Variants in PAM observed in about 807,000 individuals in gnomAD.
PAM encodes the protein peptidyl-glycine alpha-amidating monooxygenase.
PAM carries 72 observed loss-of-function variants against 122.1 expected under a neutral mutation model. The observed-to-expected ratio is 0.59, with a 90% CI of 0.49 to 0.72. PAM has a LOEUF of 0.72. PAM is among the 30% of genes least tolerant of loss of function. The pLI is 0.00. For synonymous variants in PAM, 389 were observed against 404.4 expected (o/e 0.96, Z 0.46); for missense variants, 1,106 against 1,183.7 (o/e 0.93, Z 0.96).
chr5:102,922,801 T>G (rs2151688096), intron 5 of PAM, among the ~76,000 whole-genome samples: 1 of 152,326 alleles, frequency 6.6e-6, no homozygotes, highest in South Asian at 2.1e-4. Flanking sequence ...ATCTTTAAAT[T>G]TTAGTAGCTA....
chr5:102,860,421 A>G (rs1296593892), intron 1 of PAM, among the ~76,000 whole-genome samples: 1 of 152,162 alleles, frequency 6.6e-6, no homozygotes, highest in Non-Finnish European at 1.5e-5. Flanking sequence ...TGATAGGAAT[A>G]TGTCAAAGGC....
At chr5:103,008,568 A>C (rs554706474) in intron 20 of PAM, among the ~76,000 whole-genome samples, 2 of 152,256 alleles carry the variant, frequency 1.3e-5, no homozygotes, top group African/African-American at 4.8e-5. Context: ...AGCATTGACT[A>C]TTTATAGGTA....
At chr5:102,927,645 G>A (rs11952219) in intron 7 of PAM, among the ~76,000 whole-genome samples, 4,566 of 152,074 alleles carry the variant, frequency 0.03, 221 homozygotes, top group African/African-American at 0.1. Context: ...CCAGCATTCA[G>A]AACGAGGACA....
intron 7 of PAM, among the ~76,000 whole-genome samples, chr5:102,929,734 A>G (rs764172534): frequency 3.8e-4 from 58 of 152,180 alleles, no homozygotes; most frequent in Non-Finnish European, 7.8e-4. Flanking sequence ...TATCTGAGAG[A>G]GTATAACCTG....
At chr5:102,967,595 C>T (rs1461839310) in intron 14 of PAM, among the ~76,000 whole-genome samples, 1 of 151,952 alleles carries the variant, frequency 6.6e-6, no homozygotes, top group Non-Finnish European at 1.5e-5. Context: ...AACTATAGTT[C>T]TATCTTGTAA....
chr5:103,006,760 A>G (rs547294092), intron 18 of PAM, 41 bp from the exon 19 acceptor site: 7 of 1,431,740 alleles, frequency 4.9e-6, no homozygotes, highest in Non-Finnish European at 5.9e-6. Context: ...GTCACTAATA[A>G]CCATGAAAAG....
At chr5:102,928,314 C>G (rs909131821) in intron 7 of PAM, among the ~76,000 whole-genome samples, 6 of 152,054 alleles carry the variant, frequency 3.9e-5, no homozygotes, top group African/African-American at 1.4e-4. Context: ...GTAATAATTT[C>G]TTATAAGGAG....
intron 3 of PAM, among the ~76,000 whole-genome samples, chr5:102,883,217 A>G (rs1791874257): frequency 6.6e-6 from 1 of 151,912 alleles, no homozygotes; most frequent in African/African-American, 2.4e-5. Flanking sequence ...TTTTGGTTCC[A>G]TATGAGTTTT....
In PAM at chr5:102,801,886, C is replaced by T. The variant is rs559772455; in HGVS notation, c.-374+46538C>T. On this transcript the variant is annotated intron_variant, in intron 1 of 25. Transcript: ENST00000438793. ...CTCCGCCTCCTGGGTTCACGCCATT[C>T]TCCTGCCTCAGCCTCCCGAGTAGCT... 2.7e-5 allele frequency among the ~76,000 whole-genome samples: 4 copies of T among 145,500 alleles called. No homozygotes were observed. The South Asian group carries it at 6.5e-4, about 24-fold the overall frequency.
rs1780114261 is a variant in PAM, at chr5:103,009,876, C to T, written c.2331+10C>T. ...CAAGCCAGTGCGCAAGGTATTTACA[C>T]ACATTGTCTAGGTTTCAATTTTCAT... On this transcript the variant is annotated intron_variant, in intron 21 of 25. Transcript: ENST00000438793. 2 of 1,400,096 alleles carry T rather than the reference C, an allele frequency of 1.4e-6. No individual in the cohort carries two copies. Among genetic ancestry groups the T allele is most frequent in the East Asian group, 4.7e-5 (2 of 42,490 alleles). 86.7% of individuals were successfully genotyped at this position (1,400,096 alleles called of 1,614,324 possible).
At chr5:102,925,440 C>T (rs1490225869) in intron 6 of PAM, among the ~76,000 whole-genome samples, 1 of 152,162 alleles carries the variant, frequency 6.6e-6, no homozygotes, top group Non-Finnish European at 1.5e-5. Context: ...ATGCCAAGAC[C>T]TCAGCTGGCT....
intron 15 of PAM, among the ~76,000 whole-genome samples, chr5:102,983,432 A>G (rs1770587667): frequency 7.3e-6 from 1 of 137,840 alleles, no homozygotes; most frequent in Non-Finnish European, 1.5e-5. Context: ...CCTGGATGAC[A>G]GAGTGAGACT....
At position 102,954,496 on chromosome 5, in the gene PAM, TACTTAATGGTAA is replaced by T. The variant is rs150741972; in HGVS notation, c.905+3678_905+3689del. ...TTAATATGAGATATATTAATAAATA[TACTTAATGGTAA>T]AATGTTTTACCCATATATTATATTT... On this transcript the variant is annotated intron_variant, in intron 12 of 25. Coordinates refer to ENST00000438793, the MANE Select transcript of PAM (RefSeq NM_001177306.2). Among the ~76,000 whole-genome samples the T allele has an allele frequency of 1.9e-3, 287 of 151,714 alleles. 6 individuals are homozygous for T. Among genetic ancestry groups the T allele is most frequent in the East Asian group, 6.6e-3 (34 of 5,168 alleles).
At chr5:102,912,288 T>C (rs1801631413) in intron 4 of PAM, among the ~76,000 whole-genome samples, 1 of 151,924 alleles carries the variant, frequency 6.6e-6, no homozygotes, top group South Asian at 2.1e-4. Context: ...AGAGGGAATA[T>C]TTTTTTAAAA....
chr5:102,951,866 A>G (rs1253938125), intron 12 of PAM, among the ~76,000 whole-genome samples: 1 of 152,134 alleles, frequency 6.6e-6, no homozygotes, highest in Non-Finnish European at 1.5e-5. Flanking sequence ...TTTGGCAAAG[A>G]GACTTCAGGA....
intron 8 of PAM, 47 bp from the exon 9 acceptor site, chr5:102,948,331 T>G: frequency 1.9e-6 from 2 of 1,051,906 alleles, no homozygotes; most frequent in Non-Finnish European, 3.0e-6. Context: ...AAAACAGTCA[T>G]TTTGACTTTT....
chr5:102,845,062 C>T (rs144184236), intron 1 of PAM, among the ~76,000 whole-genome samples: 78 of 152,360 alleles, frequency 5.1e-4, no homozygotes, highest in African/African-American at 1.8e-3. Flanking sequence ...TACAGTTCCT[C>T]GTTCAGTCTT....
chr5:102,872,486 A>C (rs182520276), intron 3 of PAM, among the ~76,000 whole-genome samples: 3 of 152,336 alleles, frequency 2.0e-5, no homozygotes. Context: ...AACGTTAAGT[A>C]ACGTACTTTA....
intron 3 of PAM, among the ~76,000 whole-genome samples, chr5:102,898,409 A>G (rs1407483647): frequency 6.6e-6 from 1 of 151,614 alleles, no homozygotes; most frequent in African/African-American, 2.4e-5. Flanking sequence ...TTGTGCTGGT[A>G]GTTTGGGTTG....
Sources: gnomAD v4.1 joint callset for allele counts (sites outside exome capture counted in the v4.1 genomes callset) on GRCh38, gnomAD v4.1.1 for gene constraint, MANE v1.5 for transcripts, NCBI Gene and HGNC (gene_info 2026-07-23, HGNC 2026-07-21) for gene names.